Variants in FLT3 observed in about 807,000 individuals in gnomAD.
FLT3 encodes fms related receptor tyrosine kinase 3.
In FLT3, 46 loss-of-function variants were observed where a neutral mutation model predicts 126.6. The ratio of observed to expected loss-of-function variants is 0.36; its 90% CI spans 0.29 to 0.46. FLT3 has a LOEUF of 0.46. Among genes scored for constraint, FLT3 ranks in the 20% least tolerant of loss-of-function variants. The pLI is 1.00. For missense variants in FLT3, 1,069 were observed against 1,190.3 expected (o/e 0.90, Z 1.50); for synonymous variants, 404 against 434.4 (o/e 0.93, Z 0.87).
At chr13:28,055,410 T>A (rs977495138) in intron 4 of FLT3, among the ~76,000 whole-genome samples, 3 of 152,252 alleles carry the variant, frequency 2.0e-5, no homozygotes, top group Non-Finnish European at 4.4e-5. Flanking sequence ...TCAGTATTCA[T>A]CTTTAAAAAA....
chr13:28,020,401 T>C (rs1872280657), intron 19 of FLT3, among the ~76,000 whole-genome samples: 1 of 152,192 alleles, frequency 6.6e-6, no homozygotes, highest in South Asian at 2.1e-4. Context: ...CAGGCTGGAG[T>C]GCAGCGGTAC....
intron 1 of FLT3, among the ~76,000 whole-genome samples, chr13:28,088,204 G>A (rs1878805156): frequency 1.3e-5 from 2 of 152,116 alleles, no homozygotes; most frequent in South Asian, 4.1e-4. Flanking sequence ...GGGTTAGGTG[G>A]GATCAAAGCA....
intron 16 of FLT3, 54 bp downstream of exon 16, chr13:28,028,124 T>C (rs1872976349): frequency 1.2e-6 from 1 of 839,956 alleles, no homozygotes; most frequent in Non-Finnish European, 2.1e-6. Flanking sequence ...AACATCCTCT[T>C]TGTCATCAAG....
At chr13:28,032,761 A>T (rs568775535) in intron 15 of FLT3, among the ~76,000 whole-genome samples, 1 of 152,254 alleles carries the variant, frequency 6.6e-6, no homozygotes. Context: ...AAACCAGAAT[A>T]TGGTGACACA....
At chr13:28,028,725 A>G (rs1429353042) in intron 15 of FLT3, among the ~76,000 whole-genome samples, 1 of 150,834 alleles carries the variant, frequency 6.6e-6, no homozygotes, top group Non-Finnish European at 1.5e-5. Context: ...AAACAAACAA[A>G]CAATATCCTG....
intron 9 of FLT3, among the ~76,000 whole-genome samples, chr13:28,046,369 G>T (rs1417376609): frequency 1.3e-5 from 2 of 152,014 alleles, no homozygotes; most frequent in Non-Finnish European, 2.9e-5. Flanking sequence ...AACACTTAGC[G>T]GAATCAAGGT....
chr13:28,034,530 C>T, intron 12 of FLT3, 123 bp from the exon 13 acceptor site: 1 of 704,702 alleles, frequency 1.4e-6, no homozygotes, highest in Admixed American at 2.3e-5. Flanking sequence ...GTCCTAACAA[C>T]CACTCTACAT....
At chr13:28,034,946 A>AAC (rs1013717991) in intron 12 of FLT3, among the ~76,000 whole-genome samples, 1 of 123,568 alleles carries the variant, frequency 8.1e-6, no homozygotes, top group Non-Finnish European at 1.6e-5. Context: ...CTCCATCTCA[A>AAC]AAAAAAAAAT....
rs965879962 is a variant in FLT3, at chr13:28,100,362, G to C, written c.43+106C>G. ...GAGGCAATGGAAGGAGCGAGCGCGGGGAGGAGCGAGGCGGCTGGGCCGGAG... is the reference window on the plus strand; with the variant it reads ...GAGGCAATGGAAGGAGCGAGCGCGGCGAGGAGCGAGGCGGCTGGGCCGGAG... On this transcript the variant is annotated intron_variant, in intron 1 of 23. Transcript: ENST00000241453. The surrounding 1 kb of genome is among the most constrained non-coding windows in gnomAD (Gnocchi z 4.8). 2 of 767,080 alleles carry C rather than the reference G, an allele frequency of 2.6e-6. No homozygotes were observed. Among genetic ancestry groups the C allele is most frequent in the African/African-American group, 3.7e-5 (2 of 54,742 alleles). 47.5% of individuals were successfully genotyped at this position (767,080 alleles called of 1,614,324 possible). A position where few individuals can be genotyped will look rare whatever the true frequency, so the allele number is the denominator to read the frequency against.
intron 3 of FLT3, among the ~76,000 whole-genome samples, chr13:28,061,491 C>A (rs979096057): frequency 1.3e-5 from 2 of 152,090 alleles, no homozygotes; most frequent in African/African-American, 4.8e-5. Context: ...CGAGGCCAGG[C>A]GCAGTGACTC....
At chr13:28,094,080 G>C (rs1364619441) in intron 1 of FLT3, among the ~76,000 whole-genome samples, 2 of 152,170 alleles carry the variant, frequency 1.3e-5, no homozygotes, top group African/African-American at 4.8e-5. Flanking sequence ...TCTGATGAAG[G>C]AGTAAGATAC....
intron 1 of FLT3, among the ~76,000 whole-genome samples, chr13:28,079,856 C>A (rs1186120156): frequency 6.6e-6 from 1 of 152,036 alleles, no homozygotes; most frequent in Non-Finnish European, 1.5e-5. Context: ...GGAGACACAG[C>A]CAAACCATAT....
rs1879016779 is a variant in FLT3, at chr13:28,091,208, T to TA, written c.43+9259_43+9260insT. Reference sequence around the variant, plus strand: ...TTTATCCTCTTTGGGCCCCATTTTCTTTTTTTTTTTTTTTTTTTTTTTTTT... The same window carrying TA: ...TTTATCCTCTTTGGGCCCCATTTTCTATTTTTTTTTTTTTTTTTTTTTTTTT... On this transcript the variant is annotated intron_variant, in intron 1 of 23. Coordinates refer to ENST00000241453, the MANE Select transcript of FLT3 (RefSeq NM_004119.3). 8.3e-5 allele frequency among the ~76,000 whole-genome samples: 4 copies of TA among 48,370 alleles called. No homozygotes were observed. In the South Asian group the frequency reaches 3.4e-3, roughly 41 times the overall value. 31.7% of individuals were successfully genotyped at this position (48,370 alleles called of 152,430 possible).
chr13:28,033,631 G>A (rs1245050536), intron 15 of FLT3, among the ~76,000 whole-genome samples: 2 of 152,214 alleles, frequency 1.3e-5, no homozygotes, highest in African/African-American at 2.4e-5. Context: ...AGGTGACAGA[G>A]TGAGACCCTG....
intron 23 of FLT3, 112 bp downstream of exon 23, chr13:28,014,340 A>C: frequency 2.7e-6 from 2 of 736,440 alleles, no homozygotes; most frequent in Non-Finnish European, 4.7e-6. Context: ...ACCCAGAAAA[A>C]CTGCAATGAG....
chr13:28,004,558 C>T (rs959313590), intron 23 of FLT3, among the ~76,000 whole-genome samples: 2 of 152,078 alleles, frequency 1.3e-5, no homozygotes, highest in Non-Finnish European at 2.9e-5. Flanking sequence ...CCACACCACC[C>T]CGGCCTCCCA....
At position 28,004,097 on chromosome 13, in the gene FLT3, C is replaced by T; in HGVS notation, c.2937G>A (p.Met979Ile). 1 of 1,614,134 alleles carries T rather than the reference C, an allele frequency of 6.2e-7. No homozygotes were observed. Among genetic ancestry groups the T allele is most frequent in the South Asian group, 1.1e-5 (1 of 91,082 alleles). Residue 979 changes from methionine to isoleucine, a missense_variant, in exon 24 of 24, where the codon ATG (methionine) becomes ATA (isoleucine). By Grantham distance (10) the Met-to-Ile change is conservative (BLOSUM62 1). Coordinates refer to ENST00000241453, the MANE Select transcript of FLT3 (RefSeq NM_004119.3). ...CCTGCGGAGAGAGTAGCCCCAAATC[C>T]ATCTCTCTGCTGAAAGGTCGCCTGT... ...YQNRRPFSRE[M>I]DLGLLSPQAQ...
chr13:28,025,516 A>T (rs999330376), intron 17 of FLT3: 1 of 317,896 alleles, frequency 3.1e-6, no homozygotes, highest in Admixed American at 4.5e-5. Context: ...TCACGATTCA[A>T]TTTATTCTAA....
At chr13:28,030,025 C>T (rs1873180308) in intron 15 of FLT3, among the ~76,000 whole-genome samples, 1 of 152,188 alleles carries the variant, frequency 6.6e-6, no homozygotes, top group Non-Finnish European at 1.5e-5. Context: ...AGGCACCACC[C>T]CTCTGTGAAC....
Sources: gnomAD v4.1 joint callset for allele counts (sites outside exome capture counted in the v4.1 genomes callset) on GRCh38, gnomAD v4.1.1 for gene constraint, Gnocchi (gnomAD v3.1) non-coding constraint, MANE v1.5 for transcripts, NCBI Gene and HGNC (gene_info 2026-07-23, HGNC 2026-07-21) for gene names.